NAALADL2: variants seen among roughly 807,000 people sequenced by gnomAD.
The protein encoded by NAALADL2 is N-acetylated alpha-linked acidic dipeptidase like 2.
In NAALADL2, 76 loss-of-function variants were observed where a neutral mutation model predicts 87.2. The ratio of observed to expected loss-of-function variants is 0.87; its 90% CI spans 0.72 to 1.05. The LOEUF (loss-of-function observed/expected upper bound fraction) is 1.05, where lower values mean the gene tolerates loss of function less well. NAALADL2 is among the 50% of genes least tolerant of loss of function. NAALADL2 has a pLI of 0.00. For missense variants in NAALADL2, 1,089 were observed against 945.8 expected, an observed-to-expected ratio of 1.15 and a Z score of -1.99; for synonymous variants, 354 against 331.0, an observed-to-expected ratio of 1.07 and a Z score of -0.75.
chr3:175,063,564 C>T (rs941051488), intron 1 of NAALADL2, among the ~76,000 whole-genome samples: 27 of 152,100 alleles, frequency 1.8e-4, no homozygotes, highest in Non-Finnish European at 1.3e-4. Flanking sequence ...GCAGCCTCCA[C>T]CTTCTGAGCC....
intron 10 of NAALADL2, among the ~76,000 whole-genome samples, chr3:175,585,021 T>C (rs927132655): frequency 7.2e-5 from 11 of 152,130 alleles, no homozygotes; most frequent in African/African-American, 2.4e-4. Context: ...TTGTAAACTT[T>C]TTTTTAACTT....
intron 11 of NAALADL2, among the ~76,000 whole-genome samples, chr3:175,636,231 T>C (rs530942236): frequency 4.8e-4 from 73 of 152,210 alleles, no homozygotes; most frequent in African/African-American, 1.7e-3. Context: ...TGTGCTCTCT[T>C]GGTAGACCTC....
intron 1 of NAALADL2, among the ~76,000 whole-genome samples, chr3:175,002,546 C>G (rs115897482): frequency 6.6e-6 from 1 of 152,050 alleles, no homozygotes; most frequent in African/African-American, 2.4e-5. Context: ...ATGAAACAAG[C>G]AAAGATCTCT....
intron 11 of NAALADL2, among the ~76,000 whole-genome samples, chr3:175,662,394 C>A (rs1732383209): frequency 1.3e-5 from 2 of 151,812 alleles, no homozygotes; most frequent in Non-Finnish European, 1.5e-5. Flanking sequence ...TTAATGGATT[C>A]TTTTAAGTTT....
chr3:174,971,516 G>C (rs148516678), intron 1 of NAALADL2, among the ~76,000 whole-genome samples: 222 of 152,192 alleles, frequency 1.5e-3, no homozygotes, highest in African/African-American at 5.0e-3. Flanking sequence ...ATTTCCTTCA[G>C]TCTCAACTTC....
chr3:175,205,159 C>A (rs1031215243), intron 2 of NAALADL2, among the ~76,000 whole-genome samples: 1 of 152,014 alleles, frequency 6.6e-6, no homozygotes, highest in African/African-American at 2.4e-5. Flanking sequence ...CAAGACTAAG[C>A]AAAAAGAACA....
chr3:175,376,416 T>A (rs1444909684), intron 5 of NAALADL2, among the ~76,000 whole-genome samples: 1 of 152,154 alleles, frequency 6.6e-6, no homozygotes, highest in Non-Finnish European at 1.5e-5. Context: ...TTTTTCCTTA[T>A]TTTTTCTTTC....
intron 2 of NAALADL2, among the ~76,000 whole-genome samples, chr3:175,122,194 C>T (rs1459920516): frequency 6.6e-6 from 1 of 151,738 alleles, no homozygotes; most frequent in East Asian, 1.9e-4. Context: ...TTCATGATTG[C>T]CTCAGGAAGG....
intron 3 of NAALADL2, among the ~76,000 whole-genome samples, chr3:174,740,551 A>G (rs1014346392): frequency 2.0e-5 from 3 of 151,940 alleles, no homozygotes; most frequent in African/African-American, 7.2e-5. Flanking sequence ...TAAGAGTACT[A>G]TAGCTCCTGT....
At chr3:175,336,344 C>A (rs1420395121) in intron 5 of NAALADL2, among the ~76,000 whole-genome samples, 2 of 152,164 alleles carry the variant, frequency 1.3e-5, no homozygotes, top group Non-Finnish European at 2.9e-5. Context: ...ATGTATCTAA[C>A]CACGGAGTCA....
At chr3:174,701,543 C>A (rs1729556689) in intron 2 of NAALADL2, among the ~76,000 whole-genome samples, 1 of 152,102 alleles carries the variant, frequency 6.6e-6, no homozygotes, top group Non-Finnish European at 1.5e-5. Context: ...TTCATCATTA[C>A]AATGTAATGA....
intron 3 of NAALADL2, among the ~76,000 whole-genome samples, chr3:174,799,396 C>T (rs1001241406): frequency 1.3e-5 from 2 of 151,936 alleles, no homozygotes; most frequent in Non-Finnish European, 2.9e-5. Flanking sequence ...AGGTCTTTCT[C>T]GTGCTGTTCT....
At chr3:174,710,230 C>CTT (rs57899491) in intron 2 of NAALADL2, among the ~76,000 whole-genome samples, 1,369 of 136,294 alleles carry the variant, frequency 0.01, 9 homozygotes, top group African/African-American at 0.017. Context: ...TATGAGCCTC[C>CTT]TTTTTTTTTT....
intron 3 of NAALADL2, among the ~76,000 whole-genome samples, chr3:174,757,392 G>T (rs1019916611): frequency 6.6e-5 from 10 of 152,184 alleles, no homozygotes; most frequent in African/African-American, 1.9e-4. Context: ...TAGATGCTCA[G>T]CCAGAGACTT....
chr3:174,981,105 A>G (rs1745049090), intron 1 of NAALADL2, among the ~76,000 whole-genome samples: 1 of 152,224 alleles, frequency 6.6e-6, no homozygotes, highest in Non-Finnish European at 1.5e-5. Flanking sequence ...AAACATTAAA[A>G]TAGTAAGAGA....
chr3:174,575,948 C>T (rs114737457), intron 2 of NAALADL2, among the ~76,000 whole-genome samples: 3,642 of 152,190 alleles, frequency 0.024, 76 homozygotes, highest in Non-Finnish European at 0.035. Flanking sequence ...ACAGCAACCT[C>T]CACTTCCCGG....
At chr3:174,501,077 ATTTTTTTT>A (rs71624286) in intron 1 of NAALADL2, among the ~76,000 whole-genome samples, 2 of 109,774 alleles carry the variant, frequency 1.8e-5, no homozygotes, top group Non-Finnish European at 3.6e-5. Flanking sequence ...ATAGGTCTCA[ATTTTTTTT>A]TTTTTTTTTT....
chr3:175,621,561 G>A (rs1418693140), intron 10 of NAALADL2, among the ~76,000 whole-genome samples: 1 of 152,074 alleles, frequency 6.6e-6, no homozygotes, highest in East Asian at 1.9e-4. Flanking sequence ...GCGGAAATAC[G>A]GTTGGCCCTA....
At chr3:174,635,523 G>A (rs1378769383) in intron 2 of NAALADL2, among the ~76,000 whole-genome samples, 1 of 144,168 alleles carries the variant, frequency 6.9e-6, no homozygotes, top group Admixed American at 7.0e-5. Flanking sequence ...TTTTTTTTGA[G>A]ATGGAGTCTT....
Sources: allele counts gnomAD v4.1 joint callset (sites outside exome capture counted in the v4.1 genomes callset), GRCh38; gene constraint gnomAD v4.1.1; transcripts MANE v1.5; gene names NCBI Gene and HGNC (gene_info 2026-07-23, HGNC 2026-07-21).